The following POU2F1 variants were observed in gnomAD, a reference collection of about 807,000 sequenced individuals.
POU2F1 encodes the protein POU domain, class 2, transcription factor 1.
A neutral mutation model predicts 84.9 loss-of-function variants in POU2F1; 16 were observed. That is an observed-to-expected ratio of 0.19 (90% CI 0.13 to 0.29). POU2F1 has a LOEUF of 0.29. Ranked by LOEUF, POU2F1 falls within the 10% of genes least tolerant of loss-of-function variation. The pLI, the probability that POU2F1 is intolerant of heterozygous loss-of-function variation, is 1.00. For synonymous variants in POU2F1, 368 were observed against 368.3 expected (o/e 1.00, Z 0.01); for missense variants, 738 against 942.6 (o/e 0.78, Z 2.84).
At chr1:167,375,021 C>T (rs548775436) in intron 6 of POU2F1, among the ~76,000 whole-genome samples, 1 of 149,422 alleles carries the variant, frequency 6.7e-6, no homozygotes, top group African/African-American at 2.5e-5. Context: ...GAGCCGAGAT[C>T]GCGCCACTAA....
At chr1:167,356,785 C>A (rs1349597939) in intron 2 of POU2F1, among the ~76,000 whole-genome samples, 1 of 152,200 alleles carries the variant, frequency 6.6e-6, no homozygotes, top group Admixed American at 6.5e-5. Context: ...CAGTGTTTAA[C>A]CTTGATCCTG....
chr1:167,404,237 C>T (rs1275702458), intron 13 of POU2F1, among the ~76,000 whole-genome samples: 2 of 150,222 alleles, frequency 1.3e-5, no homozygotes, highest in Non-Finnish European at 3.0e-5. Context: ...CATTTTGTGT[C>T]ATTTGTAATG....
chr1:167,336,486 C>A (rs1219298517), intron 2 of POU2F1, among the ~76,000 whole-genome samples: 1 of 152,126 alleles, frequency 6.6e-6, no homozygotes, highest in Non-Finnish European at 1.5e-5. Context: ...ATACGAAGTA[C>A]CACTGGTGGT....
At chr1:167,340,781 G>T (rs369359080) in intron 2 of POU2F1, among the ~76,000 whole-genome samples, 1 of 152,100 alleles carries the variant, frequency 6.6e-6, no homozygotes, top group Non-Finnish European at 1.5e-5. Flanking sequence ...TAACATCAGT[G>T]AAGTTGAATA....
At chr1:167,249,444 A>G (rs1203752165) in intron 1 of POU2F1, among the ~76,000 whole-genome samples, 1 of 152,160 alleles carries the variant, frequency 6.6e-6, no homozygotes, top group African/African-American at 2.4e-5. Flanking sequence ...ATAGTGCTTG[A>G]CAGGTCAAGG....
At chr1:167,345,173 ATAAAT>A (rs1387269252) in intron 2 of POU2F1, among the ~76,000 whole-genome samples, 2 of 152,174 alleles carry the variant, frequency 1.3e-5, no homozygotes, top group African/African-American at 4.8e-5. Context: ...TTAAAGTAAA[ATAAAT>A]AAATAAGAAA....
Position 167,424,557 on chromosome 1 carries a change from CT to C in POU2F1, c.*8750del, listed in dbSNP as rs1650838487. 1 of 152,300 alleles carries C rather than the reference CT, an allele frequency of 6.6e-6. No homozygotes were observed. Among genetic ancestry groups the C allele is most frequent in the Non-Finnish European group, 1.5e-5 (1 of 68,108 alleles). 9.4% of individuals were successfully genotyped at this position (152,300 alleles called of 1,614,324 possible). A position where few individuals can be genotyped will look rare whatever the true frequency, so the allele number is the denominator to read the frequency against. ...CTCGTGACCGAGTGACTTGCTTTAA[CT>C]TTCTCGAAATCCTACAGAGTTGCCA... On this transcript the variant is annotated 3_prime_UTR_variant, in exon 16 of 16. Coordinates refer to ENST00000367866, the MANE Select transcript of POU2F1 (RefSeq NM_002697.4).
chr1:167,386,334 A>G (rs1647977305), intron 8 of POU2F1, among the ~76,000 whole-genome samples: 1 of 152,166 alleles, frequency 6.6e-6, no homozygotes, highest in African/African-American at 2.4e-5. Flanking sequence ...AGCTGGGACT[A>G]CAGGCGTGCA....
At chr1:167,372,729 A>AC (rs1415817841) in intron 5 of POU2F1, among the ~76,000 whole-genome samples, 3 of 152,044 alleles carry the variant, frequency 2.0e-5, no homozygotes, top group Non-Finnish European at 4.4e-5. Flanking sequence ...TTTATGGTTA[A>AC]TAAATTGGCC....
intron 1 of POU2F1, among the ~76,000 whole-genome samples, chr1:167,252,227 A>G (rs567403511): frequency 1.3e-5 from 2 of 152,156 alleles, no homozygotes; most frequent in African/African-American, 4.8e-5. Flanking sequence ...AGTTTTCCCC[A>G]TGTTTTAAAA....
chr1:167,357,910 C>A (rs1432420072), intron 2 of POU2F1, among the ~76,000 whole-genome samples: 3 of 143,440 alleles, frequency 2.1e-5, no homozygotes, highest in African/African-American at 7.8e-5. Context: ...TTCAAGCAAT[C>A]CCCCTGCCTC....
rs950414763 is a variant in POU2F1, at chr1:167,418,326, T to C, written c.*2516T>C. ...GGTTGGTGTGTAAATAGAATGACAA[T>C]GTCAATTACTAATTTCTCTCCTCTC... On this transcript the variant is annotated 3_prime_UTR_variant, in exon 16 of 16. Coordinates refer to ENST00000367866, the MANE Select transcript of POU2F1 (RefSeq NM_002697.4). 1 of 152,360 alleles carries C rather than the reference T, an allele frequency of 6.6e-6. No individual in the cohort carries two copies. Among genetic ancestry groups the C allele is most frequent in the East Asian group, 1.9e-4 (1 of 5,188 alleles). The allele number at this position is 152,360 out of a possible 1,614,324, so 9.4% of individuals were successfully genotyped here.
In POU2F1 at chr1:167,425,041, T is replaced by TTTG. The variant is rs781669927; in HGVS notation, c.*9233_*9234insGTT. ...GACCAAAAATATCCAAATATTTAAG[T>TTTG]TTATTATTATTATTATTATTATTTG... On this transcript the variant is annotated 3_prime_UTR_variant, in exon 16 of 16. Transcript: ENST00000367866. 7.4e-6 allele frequency: 1 copy of TTTG among 135,018 alleles called. No homozygotes were observed. The highest frequency in any genetic ancestry group is 7.3e-5 in the Admixed American group (1 of 13,656). The allele number at this position is 135,018 out of a possible 1,614,324, so 8.4% of individuals were successfully genotyped here. A position where few individuals can be genotyped will look rare whatever the true frequency, so the allele number is the denominator to read the frequency against.
intron 2 of POU2F1, among the ~76,000 whole-genome samples, chr1:167,353,586 G>A (rs902190775): frequency 2.0e-5 from 3 of 151,790 alleles, no homozygotes; most frequent in African/African-American, 4.8e-5. Flanking sequence ...TCATCCTCAC[G>A]CTGTCCCGCC....
chr1:167,247,315 C>G (rs1650406951), intron 1 of POU2F1, among the ~76,000 whole-genome samples: 1 of 152,272 alleles, frequency 6.6e-6, no homozygotes, highest in East Asian at 1.9e-4. Flanking sequence ...ATCCTTCTGC[C>G]TCGACCTCCC....
At chr1:167,307,053 C>A (rs1351929752) in intron 1 of POU2F1, among the ~76,000 whole-genome samples, 2 of 152,132 alleles carry the variant, frequency 1.3e-5, no homozygotes, top group East Asian at 1.9e-4. Flanking sequence ...ATTTATAATA[C>A]CACATTTAAA....
At chr1:167,224,182 C>G (rs2102320894) in intron 1 of POU2F1, among the ~76,000 whole-genome samples, 1 of 152,254 alleles carries the variant, frequency 6.6e-6, no homozygotes, top group Non-Finnish European at 1.5e-5. Context: ...TTCATTTCCT[C>G]AAAATTCTCA....
At chr1:167,369,938 T>C (rs1022617755) in intron 3 of POU2F1, among the ~76,000 whole-genome samples, 1 of 146,604 alleles carries the variant, frequency 6.8e-6, no homozygotes, top group African/African-American at 2.5e-5. Context: ...GAAAACATCT[T>C]CAAAAAAAGA....
At chr1:167,334,829 T>A (rs1256626514) in intron 2 of POU2F1, among the ~76,000 whole-genome samples, 2 of 152,248 alleles carry the variant, frequency 1.3e-5, no homozygotes, top group African/African-American at 4.8e-5. Flanking sequence ...TATTCTTTTT[T>A]TGGTAGTTTA....
Sources: gnomAD v4.1 joint callset for allele counts (sites outside exome capture counted in the v4.1 genomes callset) on GRCh38, gnomAD v4.1.1 for gene constraint, MANE v1.5 for transcripts, NCBI Gene and HGNC (gene_info 2026-07-23, HGNC 2026-07-21) for gene names.